The following APOLD1 variants were observed in gnomAD, a reference collection of about 807,000 sequenced individuals.
APOLD1 encodes the protein apolipoprotein L domain-containing protein 1.
In APOLD1, 22 loss-of-function variants were observed where a neutral mutation model predicts 15.3. The ratio of observed to expected loss-of-function variants is 1.44; its 90% confidence interval spans 1.03 to 2.05. The LOEUF is 2.05. APOLD1 is among the 30% of genes most tolerant of loss of function. APOLD1 has a pLI of 0.00. For synonymous variants in APOLD1, 190 were observed against 167.4 expected (o/e 1.13, Z -1.04); for missense variants, 394 against 353.5 (o/e 1.11, Z -0.92).
At chr12:12,786,851 G>A in intron 1 of APOLD1, 58 bp from the exon 2 acceptor site, 1 of 1,357,826 alleles carries the variant, frequency 7.4e-7, no homozygotes, top group Non-Finnish European at 9.4e-7. Flanking sequence ...GGGCAGCAGG[G>A]CGGGAGCGGC....
chr12:12,726,339 C>A lies in APOLD1; in HGVS notation c.96+243C>A, dbSNP rs1049969130. 8 of 608,866 alleles carry A rather than the reference C, an allele frequency of 1.3e-5. No individual in the cohort carries two copies. In the Admixed American group the frequency reaches 1.8e-4, roughly 14 times the overall value. The allele number at this position is 608,866 out of a possible 1,614,324, so 37.7% of individuals were successfully genotyped here. On this transcript the variant is annotated intron_variant, in intron 1 of 1. Transcript: ENST00000326765. ...AATATGTTAAAACAAACTCAAGATA[C>A]GAAATGAGACTTTTGAAGTGCCTTT... is the stretch of plus-strand genomic sequence containing the variant.
At chr12:12,730,778 C>T (rs528744354) in intron 1 of APOLD1, among the ~76,000 whole-genome samples, 2 of 144,330 alleles carry the variant, frequency 1.4e-5, no homozygotes, top group South Asian at 2.2e-4. Flanking sequence ...TAAAAGTATT[C>T]GATGGAATAA....
intron 1 of APOLD1, among the ~76,000 whole-genome samples, chr12:12,733,119 G>A (rs895041334): frequency 2.5e-4 from 38 of 150,726 alleles, no homozygotes; most frequent in Admixed American, 5.3e-4. Context: ...TTTGAGACCA[G>A]CCTGGGCAAC....
chr12:12,783,857 C>G (rs1947105182), upstream of APOLD1, among the ~76,000 whole-genome samples: 1 of 151,964 alleles, frequency 6.6e-6, no homozygotes, highest in South Asian at 2.1e-4. Flanking sequence ...TGGTCTCGAA[C>G]TCCTGACTTC....
intron 1 of APOLD1, among the ~76,000 whole-genome samples, chr12:12,731,072 C>T (rs1378177577): frequency 6.6e-6 from 1 of 152,106 alleles, no homozygotes; most frequent in Admixed American, 6.5e-5. Context: ...ACCCGGGAGG[C>T]GGAGCTTGCA....
intron 1 of APOLD1, among the ~76,000 whole-genome samples, chr12:12,733,701 C>G (rs1946661447): frequency 6.6e-6 from 1 of 152,144 alleles, no homozygotes; most frequent in Non-Finnish European, 1.5e-5. Context: ...CTCCTGGGTT[C>G]AAGCAATTCT....
At chr12:12,746,011 C>T (rs940457443) in intron 1 of APOLD1, among the ~76,000 whole-genome samples, 9 of 152,202 alleles carry the variant, frequency 5.9e-5, no homozygotes, top group Non-Finnish European at 1.0e-4. Context: ...AGAGCTAAAT[C>T]CCCTGAATGC....
At chr12:12,780,244 A>T (rs1452043396) in intron 1 of APOLD1, among the ~76,000 whole-genome samples, 1 of 110,988 alleles carries the variant, frequency 9.0e-6, no homozygotes, top group African/African-American at 3.1e-5. Flanking sequence ...TATTATTTTA[A>T]TTTGCTTTTT....
upstream of APOLD1, chr12:12,785,495 A>T (rs1947116662): frequency 1.3e-6 from 1 of 750,624 alleles, no homozygotes; most frequent in Non-Finnish European, 2.2e-6. Flanking sequence ...TAAATACGGG[A>T]TGTGCTGTGC....
intron 1 of APOLD1, among the ~76,000 whole-genome samples, chr12:12,755,895 C>T (rs747754447): frequency 2.0e-5 from 3 of 152,194 alleles, no homozygotes; most frequent in Non-Finnish European, 4.4e-5. Flanking sequence ...CAATCCTTCC[C>T]TGAGTTTCTA....
At chr12:12,758,899 T>G (rs558312098) in intron 1 of APOLD1, among the ~76,000 whole-genome samples, 9 of 152,326 alleles carry the variant, frequency 5.9e-5, no homozygotes, top group Admixed American at 1.3e-4. Flanking sequence ...CATATATGAA[T>G]TGCCAGAGTC....
chr12:12,767,386 G>T (rs1436499645), intron 1 of APOLD1, among the ~76,000 whole-genome samples: 1 of 152,132 alleles, frequency 6.6e-6, no homozygotes. Flanking sequence ...AATTGGCCAG[G>T]TGCGGTGGCT....
intron 1 of APOLD1, among the ~76,000 whole-genome samples, chr12:12,742,775 A>G (rs1946737980): frequency 1.3e-5 from 2 of 150,776 alleles, no homozygotes; most frequent in Admixed American, 6.6e-5. Flanking sequence ...AAAAAAAAAA[A>G]AAGGCCCTGG....
At chr12:12,786,872 G>T (rs1947129146) in intron 1 of APOLD1, 37 bp from the exon 2 acceptor site, 5 of 1,383,204 alleles carry the variant, frequency 3.6e-6, no homozygotes, top group Non-Finnish European at 4.6e-6. Flanking sequence ...GGCTGGCACG[G>T]AGACTCCAGG....
rs561001580 is a variant in APOLD1 at position 12,770,390 on chromosome 12, G to A, written c.97-16519G>A. 5.9e-5 allele frequency among the ~76,000 whole-genome samples: 9 copies of A among 152,244 alleles called. No homozygotes were observed. In the East Asian group the frequency reaches 1.3e-3, roughly 23 times the overall value. ...TTTGCACTACAGCCTGGGTGACAGA[G>A]CGAGACTTCATCTCAAAAACAACAA... On this transcript the variant is annotated intron_variant, in intron 1 of 1. Coordinates refer to the APOLD1 transcript ENST00000326765.
In APOLD1 at chr12:12,770,594, A is replaced by G. The variant is rs534042849; in HGVS notation, c.97-16315A>G. On this transcript the variant is annotated intron_variant, in intron 1 of 1. Coordinates refer to the APOLD1 transcript ENST00000326765. ...AAAAAAAAAAAAAGCAACAACAGAA[A>G]AGAATATCCAGGAACTGTAGGACAA... Among the ~76,000 whole-genome samples, 7 of 151,774 alleles carry G rather than the reference A, an allele frequency of 4.6e-5. No individual in the cohort carries two copies. In the South Asian group the frequency reaches 1.5e-3, roughly 31 times the overall value.
intron 1 of APOLD1, among the ~76,000 whole-genome samples, chr12:12,776,442 T>C (rs1407806877): frequency 6.6e-6 from 1 of 152,230 alleles, no homozygotes; most frequent in Non-Finnish European, 1.5e-5. Context: ...TTATGGCTAC[T>C]GGAGGGATGT....
At chr12:12,742,920 A>G (rs1209431407) in intron 1 of APOLD1, among the ~76,000 whole-genome samples, 2 of 152,034 alleles carry the variant, frequency 1.3e-5, no homozygotes, top group Non-Finnish European at 2.9e-5. Flanking sequence ...ATGTGACACC[A>G]CCCTGGCTAA....
At chr12:12,764,460 A>G (rs1459031111) in intron 1 of APOLD1, among the ~76,000 whole-genome samples, 10 of 152,250 alleles carry the variant, frequency 6.6e-5, no homozygotes, top group African/African-American at 2.4e-4. Flanking sequence ...CCACAACCAC[A>G]TATGTGAAAT....
Sources: allele counts gnomAD v4.1 joint callset (sites outside exome capture counted in the v4.1 genomes callset), GRCh38; gene constraint gnomAD v4.1.1; transcripts MANE v1.5; gene names NCBI Gene and HGNC (gene_info 2026-07-23, HGNC 2026-07-21).